The following PTPRR variants were observed in gnomAD, a reference collection of about 807,000 sequenced individuals.
The protein encoded by PTPRR is protein tyrosine phosphatase receptor type R, also known as receptor-type tyrosine-protein phosphatase R.
Under a neutral mutation model 77.2 loss-of-function variants are expected in PTPRR, and 38 were observed. The observed-to-expected ratio is 0.49, with a 90% CI of 0.38 to 0.65. The LOEUF is 0.65. Ranked by LOEUF, PTPRR falls within the 30% of genes least tolerant of loss-of-function variation. The pLI is 0.00. For missense variants in PTPRR, 744 were observed against 799.2 expected (o/e 0.93, Z 0.83); for synonymous variants, 299 against 283.1 (o/e 1.06, Z -0.57).
intron 2 of PTPRR, among the ~76,000 whole-genome samples, chr12:70,807,185 G>A (rs1891725348): frequency 6.6e-6 from 1 of 152,168 alleles, no homozygotes; most frequent in Non-Finnish European, 1.5e-5. Flanking sequence ...AAGCCAGAAG[G>A]CACATGCAAA....
intron 10 of PTPRR, among the ~76,000 whole-genome samples, chr12:70,683,357 T>C (rs1887745260): frequency 6.6e-6 from 1 of 152,226 alleles, no homozygotes; most frequent in African/African-American, 2.4e-5. Flanking sequence ...ATTGTATTTT[T>C]ATAATGCAAA....
chr12:70,875,551 A>G (rs1893036640), intron 2 of PTPRR, among the ~76,000 whole-genome samples: 1 of 151,960 alleles, frequency 6.6e-6, no homozygotes, highest in South Asian at 2.1e-4. Context: ...AGAAGTATAC[A>G]TGCAGAAGTT....
At chr12:70,767,428 A>C (rs1204003265) in intron 2 of PTPRR, among the ~76,000 whole-genome samples, 1 of 151,242 alleles carries the variant, frequency 6.6e-6, no homozygotes, top group African/African-American at 2.4e-5. Context: ...CGGCCATTAC[A>C]TAATGGTAAA....
intron 2 of PTPRR, among the ~76,000 whole-genome samples, chr12:70,765,790 C>T (rs926705069): frequency 2.0e-5 from 3 of 152,188 alleles, no homozygotes; most frequent in African/African-American, 7.2e-5. Flanking sequence ...ACACCTCACA[C>T]AGCCGGGTAC....
chr12:70,723,198 G>C (rs752254749), intron 6 of PTPRR, among the ~76,000 whole-genome samples: 3 of 152,140 alleles, frequency 2.0e-5, no homozygotes, highest in Non-Finnish European at 4.4e-5. Flanking sequence ...CTGGTTTCCT[G>C]TGTACAAGTT....
intron 6 of PTPRR, among the ~76,000 whole-genome samples, chr12:70,741,563 C>G (rs1318938927): frequency 6.6e-6 from 1 of 152,174 alleles, no homozygotes; most frequent in South Asian, 2.1e-4. Context: ...TTGAAGAAAT[C>G]TGAGAGCAGA....
At chr12:70,822,720 T>C (rs1204379145) in intron 2 of PTPRR, among the ~76,000 whole-genome samples, 1 of 152,198 alleles carries the variant, frequency 6.6e-6, no homozygotes, top group Non-Finnish European at 1.5e-5. Flanking sequence ...AAGGCAGGGT[T>C]GCCAATAAAT....
At chr12:70,791,644 A>G (rs2137010207) in intron 2 of PTPRR, among the ~76,000 whole-genome samples, 1 of 152,346 alleles carries the variant, frequency 6.6e-6, no homozygotes, top group Non-Finnish European at 1.5e-5. Context: ...CTCAATAAAT[A>G]TCTTTTGGAT....
chr12:70,751,492 T>C (rs1890396664), intron 5 of PTPRR, among the ~76,000 whole-genome samples: 1 of 152,140 alleles, frequency 6.6e-6, no homozygotes, highest in Admixed American at 6.5e-5. Context: ...ATCAAGGCTC[T>C]GCCTAAAACA....
At position 70,658,883 on chromosome 12, in the gene PTPRR, G is replaced by GTTTTTTTTTTT. The variant is rs746595856; in HGVS notation, c.1766+2046_1766+2056dup. Reference sequence around the variant, plus strand: ...TTCAACGTTAGGGACTTTTGCTCTAGTTTTTTTTTTTTTTTTTTTTTTTTT... The same window carrying GTTTTTTTTTTT: ...TTCAACGTTAGGGACTTTTGCTCTAGTTTTTTTTTTTTTTTTTTTTTTTTTTTTTTTTTTTT... On this transcript the variant is annotated intron_variant, in intron 12 of 13. Coordinates refer to ENST00000283228, the MANE Select transcript of PTPRR (RefSeq NM_002849.4). Among the ~76,000 whole-genome samples the GTTTTTTTTTTT allele has an allele frequency of 2.8e-3, 103 of 36,936 alleles. 16 individuals are homozygous for GTTTTTTTTTTT. Among genetic ancestry groups the GTTTTTTTTTTT allele is most frequent in the Non-Finnish European group, 3.7e-3 (77 of 20,632 alleles). The allele number at this position is 36,936 out of a possible 152,430, so 24.2% of individuals were successfully genotyped here.
intron 2 of PTPRR, among the ~76,000 whole-genome samples, chr12:70,789,877 T>A (rs1891392917): frequency 6.6e-6 from 1 of 152,182 alleles, no homozygotes; most frequent in African/African-American, 2.4e-5. Flanking sequence ...ATCCAGTAAT[T>A]CCCCATCTGC....
intron 2 of PTPRR, among the ~76,000 whole-genome samples, chr12:70,832,938 ACTAACACAAGGTTCCTGTTCC>A (rs1892240030): frequency 6.6e-6 from 1 of 152,104 alleles, no homozygotes; most frequent in Non-Finnish European, 1.5e-5. Flanking sequence ...CCTTTAGACA[ACTAACACAAGGTTCCTGTTCC>A]CTACAAATGT....
Position 70,825,947 on chromosome 12 carries a change from CAT to C in PTPRR, c.358-61171_358-61170del, listed in dbSNP as rs539865284. ...AAACATATCACAACTCTTTTTATAA[CAT>C]ATTTTTAAGCTTTTATAAGTCTTCA... On this transcript the variant is annotated intron_variant, in intron 2 of 13. Coordinates refer to ENST00000283228, the MANE Select transcript of PTPRR (RefSeq NM_002849.4). 1.1e-3 allele frequency among the ~76,000 whole-genome samples: 173 copies of C among 152,308 alleles called. 1 individual carries two copies. Among genetic ancestry groups the C allele is most frequent in the African/African-American group, 4.1e-3 (171 of 41,568 alleles).
At chr12:70,700,719 T>A (rs918987666) in intron 7 of PTPRR, among the ~76,000 whole-genome samples, 1 of 152,200 alleles carries the variant, frequency 6.6e-6, no homozygotes, top group Non-Finnish European at 1.5e-5. Flanking sequence ...ATCCAAAACA[T>A]AAGATAAAGT....
At chr12:70,717,573 T>G (rs569101810) in intron 6 of PTPRR, among the ~76,000 whole-genome samples, 2 of 152,296 alleles carry the variant, frequency 1.3e-5, no homozygotes, top group East Asian at 3.9e-4. Flanking sequence ...CTCTATCACA[T>G]TTTTGTAATT....
rs1250136959 is a variant in PTPRR at position 70,797,280 on chromosome 12, G to A, written c.358-32502C>T. Among the ~76,000 whole-genome samples, 7 of 152,286 alleles carry A rather than the reference G, an allele frequency of 4.6e-5. No homozygotes were observed. The East Asian group carries it at 9.7e-4, about 21-fold the overall frequency. On this transcript the variant is annotated intron_variant, in intron 2 of 13. Coordinates refer to ENST00000283228, the MANE Select transcript of PTPRR (RefSeq NM_002849.4). The stretch of plus-strand genomic sequence containing the variant: ...TCTCTGCCCTCACAGTCCTGTGAAA[G>A]CTCTTTTCTTCTCTTATCAAAGGCA...
At chr12:70,859,292 C>T (rs1892708457) in intron 2 of PTPRR, among the ~76,000 whole-genome samples, 1 of 152,146 alleles carries the variant, frequency 6.6e-6, no homozygotes, top group East Asian at 1.9e-4. Context: ...AGTACTTGGG[C>T]TGCACCCCTC....
chr12:70,819,099 T>A (rs1205324002), intron 2 of PTPRR, among the ~76,000 whole-genome samples: 1 of 152,084 alleles, frequency 6.6e-6, no homozygotes, highest in African/African-American at 2.4e-5. Flanking sequence ...GGCAGGCAGA[T>A]CACTTGAGAT....
rs1890193089 is a variant in PTPRR, at chr12:70,745,804, G to A, written c.1007+14C>T. ...TAAAAAGCCACACGTAGGGTATACA[G>A]AACAAGCTCTTACCTCTCTTGAAGT... On this transcript the variant is annotated intron_variant, in intron 6 of 13. Transcript: ENST00000283228. The A allele has an allele frequency of 1.2e-6, 2 of 1,613,244 alleles. No homozygotes were observed. Among genetic ancestry groups the A allele is most frequent in the Non-Finnish European group, 1.7e-6 (2 of 1,179,656 alleles).
Sources: allele counts gnomAD v4.1 joint callset (sites outside exome capture counted in the v4.1 genomes callset), GRCh38; gene constraint gnomAD v4.1.1; transcripts MANE v1.5; gene names NCBI Gene and HGNC (gene_info 2026-07-23, HGNC 2026-07-21).